Variants in AGBL4 observed in about 807,000 individuals in gnomAD.
The protein encoded by AGBL4 is cytosolic carboxypeptidase 6.
A neutral mutation model predicts 66.4 loss-of-function variants in AGBL4; 58 were observed. That is an observed-to-expected ratio of 0.87 (90% confidence interval 0.71 to 1.09). The LOEUF is 1.09. Among genes scored for constraint, AGBL4 ranks in the 50% least tolerant of loss-of-function variants. The pLI, the probability that AGBL4 is intolerant of heterozygous loss-of-function variation, is 0.00. For synonymous variants in AGBL4, 234 were observed against 222.9 expected (o/e 1.05, Z -0.44); for missense variants, 579 against 631.0 (o/e 0.92, Z 0.88).
At chr1:48,693,287 G>C (rs1189551989) in intron 6 of AGBL4, among the ~76,000 whole-genome samples, 1 of 152,186 alleles carries the variant, frequency 6.6e-6, no homozygotes, top group African/African-American at 2.4e-5. Flanking sequence ...GCACAGGAAA[G>C]ATATTTAGTC....
chr1:49,776,334 C>T (rs949145512), intron 2 of AGBL4, among the ~76,000 whole-genome samples: 2 of 152,140 alleles, frequency 1.3e-5, no homozygotes, highest in African/African-American at 4.8e-5. Context: ...CTTCCAATAT[C>T]TTTTCTAGCA....
Position 49,971,906 on chromosome 1 carries a change from G to GGTTGTTT in AGBL4, c.34+51856_34+51857insAAACAAC, listed in dbSNP as rs1457900823. Among the ~76,000 whole-genome samples, 6 of 43,472 alleles carry GGTTGTTT rather than the reference G, an allele frequency of 1.4e-4. 1 individual carries two copies. The highest frequency in any genetic ancestry group is 2.6e-4 in the Non-Finnish European group (6 of 23,188). 28.5% of individuals were successfully genotyped at this position (43,472 alleles called of 152,430 possible). ...TAAGTACAAGTGCAGGGTTTTTTTG[G>GGTTGTTT]GTTTTTTTTTTTTTTTTTTTTTTTT... On this transcript the variant is annotated intron_variant, in intron 1 of 13. Transcript: ENST00000371839.
chr1:48,991,792 T>C (rs942560809), intron 5 of AGBL4, among the ~76,000 whole-genome samples: 2 of 152,184 alleles, frequency 1.3e-5, no homozygotes, highest in African/African-American at 4.8e-5. Flanking sequence ...TTCTTTAGTA[T>C]GTTAATTGTA....
Position 49,108,769 on chromosome 1 carries a change from G to A in AGBL4, c.378-62969C>T, listed in dbSNP as rs114549119. 3.8e-3 allele frequency among the ~76,000 whole-genome samples: 582 copies of A among 152,268 alleles called. 3 individuals are homozygous for A. The highest frequency in any genetic ancestry group is 0.014 in the African/African-American group (571 of 41,550). On this transcript the variant is annotated intron_variant, in intron 4 of 13. Transcript: ENST00000371839. ...CCCCATGTGCCACCTGCCAGCAGGA[G>A]ATAGGCCAGAGACAGAGAAGGGGTG...
intron 5 of AGBL4, among the ~76,000 whole-genome samples, chr1:48,868,711 A>C (rs1377728205): frequency 6.6e-6 from 1 of 152,170 alleles, no homozygotes; most frequent in Non-Finnish European, 1.5e-5. Flanking sequence ...TACTTATTTA[A>C]AGTTCAGAGA....
intron 3 of AGBL4, among the ~76,000 whole-genome samples, chr1:49,455,754 T>C (rs1646374038): frequency 6.6e-6 from 1 of 151,700 alleles, no homozygotes; most frequent in Non-Finnish European, 1.5e-5. Context: ...TATTCTTATC[T>C]GCCAGTCTCT....
At chr1:48,951,008 T>C (rs1656934293) in intron 5 of AGBL4, among the ~76,000 whole-genome samples, 1 of 152,164 alleles carries the variant, frequency 6.6e-6, no homozygotes, top group Admixed American at 6.5e-5. Flanking sequence ...TAAACTAATA[T>C]CATATAAGAT....
At chr1:48,650,935 C>T (rs1247211555) in intron 8 of AGBL4, among the ~76,000 whole-genome samples, 1 of 152,212 alleles carries the variant, frequency 6.6e-6, no homozygotes, top group Non-Finnish European at 1.5e-5. Context: ...GAATATTTCC[C>T]CCCATAATGC....
At chr1:48,524,600 A>G in the AGBL4 span, among the ~76,000 whole-genome samples, 1 of 152,246 alleles carries the variant, frequency 6.6e-6, no homozygotes, top group Non-Finnish European at 1.5e-5. Context: ...TTCAAACAGC[A>G]GCTTAACCCA....
At chr1:49,275,410 T>G (rs1482687167) in intron 3 of AGBL4, among the ~76,000 whole-genome samples, 3 of 152,188 alleles carry the variant, frequency 2.0e-5, no homozygotes, top group Admixed American at 6.5e-5. Context: ...TTTCTTAGCC[T>G]CAAGGCTTTT....
intron 3 of AGBL4, among the ~76,000 whole-genome samples, chr1:49,447,047 G>A (rs1415060371): frequency 1.3e-5 from 2 of 152,156 alleles, no homozygotes; most frequent in Non-Finnish European, 2.9e-5. Flanking sequence ...CCTCTAGCCT[G>A]TCTACCTCAG....
intron 6 of AGBL4, among the ~76,000 whole-genome samples, chr1:48,668,606 G>A (rs755522122): frequency 8.5e-5 from 13 of 152,090 alleles, no homozygotes; most frequent in South Asian, 2.1e-4. Context: ...CATCTTGGCC[G>A]TCTGGCTTAC....
Position 50,014,547 on chromosome 1 carries a change from T to C in AGBL4, c.34+9216A>G, listed in dbSNP as rs528698119. 2.8e-5 allele frequency among the ~76,000 whole-genome samples: 4 copies of C among 144,458 alleles called. No homozygotes were observed. In the South Asian group the frequency reaches 8.9e-4, roughly 32 times the overall value. 94.8% of individuals were successfully genotyped at this position (144,458 alleles called of 152,430 possible). ...TGAACAGAGGATTTCTTTTTTTTTTTTTTTTTTTTTTGGAGAGAGTCTTGC... is the reference window on the plus strand; with the variant it reads ...TGAACAGAGGATTTCTTTTTTTTTTCTTTTTTTTTTTGGAGAGAGTCTTGC... On this transcript the variant is annotated intron_variant, in intron 1 of 13. Coordinates refer to ENST00000371839, the MANE Select transcript of AGBL4 (RefSeq NM_032785.4).
chr1:49,070,557 C>A (rs1644581496), intron 4 of AGBL4, among the ~76,000 whole-genome samples: 1 of 152,036 alleles, frequency 6.6e-6, no homozygotes, highest in East Asian at 1.9e-4. Context: ...TATGTTGAAC[C>A]AGCCTTGCAT....
chr1:49,991,719 T>G (rs1384643646), intron 1 of AGBL4, among the ~76,000 whole-genome samples: 1 of 152,178 alleles, frequency 6.6e-6, no homozygotes, highest in Non-Finnish European at 1.5e-5. Context: ...CCTCCTTTGA[T>G]TCTTCCATTT....
intron 3 of AGBL4, among the ~76,000 whole-genome samples, chr1:49,282,050 C>T (rs1644283994): frequency 6.6e-6 from 1 of 152,104 alleles, no homozygotes; most frequent in Admixed American, 6.5e-5. Context: ...AACACTTAAC[C>T]CCTGGCATCT....
At chr1:48,787,367 A>T (rs1282032100) in intron 6 of AGBL4, among the ~76,000 whole-genome samples, 1 of 152,166 alleles carries the variant, frequency 6.6e-6, no homozygotes, top group African/African-American at 2.4e-5. Context: ...ATGTCCCAAC[A>T]AGCACCCTGG....
At chr1:48,551,623 G>A (rs2803265) in intron 11 of AGBL4, among the ~76,000 whole-genome samples, 26,825 of 151,992 alleles carry the variant, frequency 0.18, 2,885 homozygotes, top group Middle Eastern at 0.31. Flanking sequence ...AGACAGAGAC[G>A]GGGAGAGATG....
At chr1:48,720,239 T>C (rs1647123166) in intron 6 of AGBL4, among the ~76,000 whole-genome samples, 1 of 152,098 alleles carries the variant, frequency 6.6e-6, no homozygotes, top group Admixed American at 6.5e-5. Flanking sequence ...GACAGCTTGA[T>C]GAGGCTCTAC....
Sources: allele counts gnomAD v4.1 joint callset (sites outside exome capture counted in the v4.1 genomes callset), GRCh38; gene constraint gnomAD v4.1.1; transcripts MANE v1.5; gene names NCBI Gene and HGNC (gene_info 2026-07-23, HGNC 2026-07-21).